Variants in EBF1 observed in about 807,000 individuals in gnomAD.
EBF1 encodes transcription factor COE1.
In EBF1, 10 loss-of-function variants were observed where a neutral mutation model predicts 68.4. The ratio of observed to expected loss-of-function variants is 0.15; its 90% CI spans 0.09 to 0.25. EBF1 has a LOEUF of 0.25. Ranked by LOEUF, EBF1 falls within the 10% of genes least tolerant of loss-of-function variation. The probability of loss-of-function intolerance (pLI) is 1.00; values close to 1 mark genes in which losing one functional copy is unlikely to be tolerated. For synonymous variants in EBF1, 298 were observed against 299.8 expected (o/e 0.99, Z 0.06); for missense variants, 509 against 794.4 (o/e 0.64, Z 4.32).
chr5:158,834,872 G>A (rs1487648926), intron 7 of EBF1, among the ~76,000 whole-genome samples: 5 of 152,364 alleles, frequency 3.3e-5, no homozygotes, highest in Non-Finnish European at 5.9e-5. Context: ...AGCAGCGGCA[G>A]TGACCACTGC....
chr5:158,779,277 T>C (rs867822301), intron 9 of EBF1, among the ~76,000 whole-genome samples: 1 of 152,162 alleles, frequency 6.6e-6, no homozygotes, highest in Non-Finnish European at 1.5e-5. Flanking sequence ...AATTAAGTTG[T>C]TGCATAAGCA....
At chr5:158,983,919 TG>T (rs1458091347) in intron 6 of EBF1, among the ~76,000 whole-genome samples, 13 of 151,620 alleles carry the variant, frequency 8.6e-5, no homozygotes, top group African/African-American at 2.9e-4. Context: ...TGTGTGTGTG[TG>T]TGTGTGTGTG....
At chr5:158,803,100 G>A (rs905099219) in intron 8 of EBF1, among the ~76,000 whole-genome samples, 1 of 152,006 alleles carries the variant, frequency 6.6e-6, no homozygotes, top group Admixed American at 6.6e-5. Context: ...CAGAAATGAG[G>A]AATCGACTTT....
chr5:158,972,617 T>C (rs2127566044), intron 6 of EBF1, among the ~76,000 whole-genome samples: 1 of 152,338 alleles, frequency 6.6e-6, no homozygotes, highest in South Asian at 2.1e-4. Flanking sequence ...CTTCTTGGCT[T>C]AACGCTAATG....
chr5:158,953,953 A>T (rs6867332), intron 6 of EBF1, among the ~76,000 whole-genome samples: 49,370 of 152,052 alleles, frequency 0.32, 8,433 homozygotes, highest in Non-Finnish European at 0.38. Flanking sequence ...AAAAGCGGGG[A>T]TTTTACTGTA....
At chr5:158,977,070 T>C (rs1162340778) in intron 6 of EBF1, among the ~76,000 whole-genome samples, 1 of 152,124 alleles carries the variant, frequency 6.6e-6, no homozygotes, top group African/African-American at 2.4e-5. Flanking sequence ...GAAGCTCTTG[T>C]TGGGAAATTT....
intron 6 of EBF1, among the ~76,000 whole-genome samples, chr5:159,016,564 A>G (rs904753720): frequency 6.6e-6 from 1 of 152,218 alleles, no homozygotes; most frequent in Non-Finnish European, 1.5e-5. Flanking sequence ...TTTTAAGCAA[A>G]ATGACGGCAA....
At position 158,899,312 on chromosome 5, in the gene EBF1, A is replaced by T. The variant is rs77151653; in HGVS notation, c.555-59202T>A. ...AATGATTTAGCATAAAACATATGTG[A>T]TAGTGTAAGAGATAATCCTACTATG... On this transcript the variant is annotated intron_variant, in intron 6 of 15. Transcript: ENST00000313708. Among the ~76,000 whole-genome samples, 261 of 152,338 alleles carry T rather than the reference A, an allele frequency of 1.7e-3. 3 individuals are homozygous for T. In the East Asian group the frequency reaches 0.046, roughly 27 times the overall value.
At chr5:158,874,320 T>A (rs1386350576) in intron 6 of EBF1, among the ~76,000 whole-genome samples, 1 of 152,186 alleles carries the variant, frequency 6.6e-6, no homozygotes, top group Non-Finnish European at 1.5e-5. Flanking sequence ...TCCTATAGCA[T>A]GTTCCTACCC....
chr5:158,890,648 G>T (rs1260726827), intron 6 of EBF1, among the ~76,000 whole-genome samples: 3 of 152,028 alleles, frequency 2.0e-5, no homozygotes, highest in Non-Finnish European at 2.9e-5. Context: ...TTTTCATTTT[G>T]TCTGCTGCCT....
At chr5:158,840,670 T>G (rs1562086582) in intron 6 of EBF1, among the ~76,000 whole-genome samples, 86 of 76,542 alleles carry the variant, frequency 1.1e-3, no homozygotes, top group South Asian at 1.4e-3. Flanking sequence ...TTTTTTTTTT[T>G]TTGTTTTTTT....
intron 6 of EBF1, among the ~76,000 whole-genome samples, chr5:158,997,696 C>T (rs747882660): frequency 3.3e-5 from 5 of 152,248 alleles, no homozygotes; most frequent in South Asian, 4.1e-4. Flanking sequence ...ATGAATGAAG[C>T]ACATGTAACA....
chr5:159,064,649 C>G (rs1488028763), intron 6 of EBF1, among the ~76,000 whole-genome samples: 1 of 152,110 alleles, frequency 6.6e-6, no homozygotes, highest in African/African-American at 2.4e-5. Flanking sequence ...CTGGTCTTCA[C>G]GAGCCAGATC....
intron 8 of EBF1, among the ~76,000 whole-genome samples, chr5:158,799,216 T>G (rs1780133778): frequency 6.6e-6 from 1 of 151,960 alleles, no homozygotes; most frequent in Non-Finnish European, 1.5e-5. Flanking sequence ...TCTCTTGTGG[T>G]CAAGAGTTCA....
chr5:158,842,751 C>G (rs6556367), intron 6 of EBF1, among the ~76,000 whole-genome samples: 138 of 152,358 alleles, frequency 9.1e-4, no homozygotes, highest in African/African-American at 3.2e-3. Context: ...GCTCAGTTCA[C>G]TGCTAAGAAC....
intron 6 of EBF1, among the ~76,000 whole-genome samples, chr5:159,070,471 T>TGTC (rs994608911): frequency 2.6e-5 from 4 of 152,176 alleles, no homozygotes; most frequent in African/African-American, 9.7e-5. Context: ...GCCAGGCTGA[T>TGTC]GTCCCAAAGT....
chr5:158,700,435 A>G (rs919049003), intron 15 of EBF1, among the ~76,000 whole-genome samples: 2 of 151,990 alleles, frequency 1.3e-5, no homozygotes, highest in African/African-American at 2.4e-5. Context: ...AACGTAAATT[A>G]ATTAGTGTTC....
chr5:158,698,215 T>A lies in EBF1; in HGVS notation c.*896A>T. 1 of 221,516 alleles carries A rather than the reference T, an allele frequency of 4.5e-6. No homozygotes were observed. The highest frequency in any genetic ancestry group is 9.0e-6 in the Non-Finnish European group (1 of 110,608). 13.7% of individuals were successfully genotyped at this position (221,516 alleles called of 1,614,324 possible). The stretch of plus-strand genomic sequence containing the variant: ...GTTAACTGGAGGGCAGAGTGTGGAA[T>A]TCTGTGCCTGGACCCTGTTCCATGA... On this transcript the variant is annotated 3_prime_UTR_variant, in exon 16 of 16. Transcript: ENST00000313708.
chr5:158,824,385 T>G (rs755026460), intron 7 of EBF1, among the ~76,000 whole-genome samples: 2 of 152,216 alleles, frequency 1.3e-5, no homozygotes, highest in African/African-American at 4.8e-5. Flanking sequence ...CACCGATAGA[T>G]TGACATGCAG....
Sources: allele counts gnomAD v4.1 joint callset (sites outside exome capture counted in the v4.1 genomes callset), GRCh38; gene constraint gnomAD v4.1.1; transcripts MANE v1.5; gene names NCBI Gene and HGNC (gene_info 2026-07-23, HGNC 2026-07-21).